MECOM: variants seen among roughly 807,000 people sequenced by gnomAD.
MECOM encodes the protein MDS1 and EVI1 complex locus.
In MECOM, 13 loss-of-function variants were observed where a neutral mutation model predicts 116.3. The observed-to-expected ratio is 0.11, with a 90% CI of 0.07 to 0.18. MECOM has a LOEUF of 0.18. MECOM is among the 10% of genes least tolerant of loss of function. The pLI, the probability that MECOM is intolerant of heterozygous loss-of-function variation, is 1.00. For missense variants in MECOM, 1,299 were observed against 1,509.0 expected (o/e 0.86, Z 2.31); for synonymous variants, 528 against 535.2 (o/e 0.99, Z 0.19).
intron 1 of MECOM, chr3:169,477,129 A>G (rs1310180299): frequency 2.1e-5 from 2 of 93,326 alleles, no homozygotes; most frequent in South Asian, 3.6e-4. Context: ...ATATATATAT[A>G]TATATATATA....
intron 10 of MECOM, among the ~76,000 whole-genome samples, chr3:169,104,396 A>G (rs1053581196): frequency 6.6e-6 from 1 of 152,200 alleles, no homozygotes; most frequent in African/African-American, 2.4e-5. Flanking sequence ...GCAGAAAATC[A>G]TTTTGATATT....
chr3:169,537,142 G>A lies in MECOM; in HGVS notation c.37+126194C>T, dbSNP rs569570865. On this transcript the variant is annotated intron_variant, in intron 1 of 16. Coordinates refer to ENST00000651503, the MANE Select transcript of MECOM (RefSeq NM_004991.4). ...TTTCTGGACACTTCAATACTAAAAT[G>A]TGAAAGAACTGTTCAAACTTTACCC... is the stretch of plus-strand genomic sequence containing the variant. Among the ~76,000 whole-genome samples the A allele has an allele frequency of 4.3e-4, 66 of 152,280 alleles. 1 individual carries two copies. Among genetic ancestry groups the A allele is most frequent in the Non-Finnish European group, 2.9e-4 (20 of 68,026 alleles).
At chr3:169,500,932 A>C (rs956357497) in intron 1 of MECOM, among the ~76,000 whole-genome samples, 64 of 152,032 alleles carry the variant, frequency 4.2e-4, no homozygotes, top group African/African-American at 1.4e-3. Flanking sequence ...AAAAGTTTTA[A>C]TAAAGAAAAG....
At chr3:169,343,232 T>C (rs541033834) in intron 2 of MECOM, among the ~76,000 whole-genome samples, 22 of 152,280 alleles carry the variant, frequency 1.4e-4, no homozygotes, top group Non-Finnish European at 2.4e-4. Context: ...GAGTCCTTTT[T>C]CTCATCTCTT....
chr3:169,103,417 C>T (rs1353509770), intron 10 of MECOM, among the ~76,000 whole-genome samples: 1 of 152,114 alleles, frequency 6.6e-6, no homozygotes, highest in African/African-American at 2.4e-5. Flanking sequence ...TCAGGCCATC[C>T]TGTTAAATCA....
At chr3:169,411,880 A>T (rs2108455225) in intron 1 of MECOM, among the ~76,000 whole-genome samples, 1 of 152,284 alleles carries the variant, frequency 6.6e-6, no homozygotes, top group Non-Finnish European at 1.5e-5. Flanking sequence ...GATCCCAGCT[A>T]CTCAGGAGGC....
chr3:169,618,189 G>A (rs1770259472), intron 1 of MECOM, among the ~76,000 whole-genome samples: 1 of 152,144 alleles, frequency 6.6e-6, no homozygotes, highest in Non-Finnish European at 1.5e-5. Context: ...TTTCCACATA[G>A]AAATAATAAG....
At chr3:169,425,064 A>G (rs1239003630) in intron 1 of MECOM, among the ~76,000 whole-genome samples, 1 of 150,942 alleles carries the variant, frequency 6.6e-6, no homozygotes, top group Non-Finnish European at 1.5e-5. Flanking sequence ...TCGAGGGAAA[A>G]GAGGAAAATT....
At chr3:169,269,741 T>C (rs1019333100) in intron 2 of MECOM, among the ~76,000 whole-genome samples, 4 of 152,226 alleles carry the variant, frequency 2.6e-5, no homozygotes, top group Non-Finnish European at 5.9e-5. Flanking sequence ...CCCAAGTATG[T>C]CTTCAGCAGG....
Position 169,116,269 on chromosome 3 carries a change from G to A in MECOM, c.1603C>T (p.Leu535=), listed in dbSNP as rs760126106. 6.2e-7 allele frequency: 1 copy of A among 1,614,196 alleles called. No individual in the cohort carries two copies. The highest frequency in any genetic ancestry group is 1.7e-5 in the Admixed American group (1 of 60,024). ...QSPLMTHPQI[L]PATQDILKAL... Reference sequence around the variant, plus strand: ...TTCAAAATATCCTGTGTAGCTGGCAGTATCTGAGGATGTGTCATGAGGGGA... The same window carrying A: ...TTCAAAATATCCTGTGTAGCTGGCAATATCTGAGGATGTGTCATGAGGGGA... The change falls in exon 8 of 17, where the codon CTG becomes TTG. Residue 535 remains leucine (L), a synonymous_variant. Coordinates refer to ENST00000651503, the MANE Select transcript of MECOM (RefSeq NM_004991.4).
chr3:169,599,530 A>G (rs1042653861), intron 1 of MECOM, among the ~76,000 whole-genome samples: 4 of 146,314 alleles, frequency 2.7e-5, no homozygotes, highest in African/African-American at 1.0e-4. Flanking sequence ...AAAAAAAAAA[A>G]GTGTAAACCT....
In MECOM at chr3:169,441,912, TTGTTA is replaced by T. The variant is rs1375250648; in HGVS notation, c.38-60393_38-60389del. ...CGCCTGGCTAATGTTTTGTTTTGTT[TTGTTA>T]TGTTTTGTTTTGTTTTGTTTTGTTT... On this transcript the variant is annotated intron_variant, in intron 1 of 16. Transcript: ENST00000651503. Among the ~76,000 whole-genome samples the T allele has an allele frequency of 2.4e-3, 342 of 142,084 alleles. 2 individuals carry two copies. Among genetic ancestry groups the T allele is most frequent in the African/African-American group, 8.6e-3 (327 of 37,988 alleles). The allele number at this position is 142,084 out of a possible 152,430, so 93.2% of individuals were successfully genotyped here.
chr3:169,620,345 CAA>C (rs1387462684), intron 1 of MECOM, among the ~76,000 whole-genome samples: 1 of 152,214 alleles, frequency 6.6e-6, no homozygotes, highest in Non-Finnish European at 1.5e-5. Context: ...TCCACCATTT[CAA>C]ACAGTTCTCA....
At chr3:169,187,157 GA>G (rs1746892305) in intron 2 of MECOM, among the ~76,000 whole-genome samples, 1 of 152,112 alleles carries the variant, frequency 6.6e-6, no homozygotes, top group African/African-American at 2.4e-5. Context: ...CTACTACCTG[GA>G]AAATCATGGT....
rs540158912 is a variant in MECOM, at chr3:169,093,090, G to A, written c.3032C>T (p.Ser1011Leu). 5.6e-6 allele frequency: 9 copies of A among 1,610,866 alleles called. No individual in the cohort carries two copies. In the South Asian group the frequency reaches 7.7e-5, roughly 14 times the overall value. Residue 1011 changes from serine to leucine, a missense_variant, in exon 14 of 17, where the codon TCG becomes TTG. Coordinates refer to ENST00000651503, the MANE Select transcript of MECOM (RefSeq NM_004991.4). Reference sequence around the variant, plus strand: ...ACTTTCCAGTTCAGAATGAGGCGACGATGTTGCTGTACCTGTGTGGAGCAG... The same window carrying A: ...ACTTTCCAGTTCAGAATGAGGCGACAATGTTGCTGTACCTGTGTGGAGCAG... The part of the protein sequence containing the change: ...ENGNMSGTAT[S>L]SPHSELESTG...
chr3:169,252,784 A>G (rs1756409291), intron 2 of MECOM, among the ~76,000 whole-genome samples: 1 of 152,202 alleles, frequency 6.6e-6, no homozygotes, highest in Admixed American at 6.5e-5. Context: ...GCAAAGCCCC[A>G]TCAAAAGGCT....
At chr3:169,096,108 C>T (rs969253920) in intron 12 of MECOM, among the ~76,000 whole-genome samples, 11 of 152,002 alleles carry the variant, frequency 7.2e-5, no homozygotes, top group Admixed American at 3.9e-4. Context: ...GCAAGGCCTC[C>T]TTCCCCTAGC....
At chr3:169,628,284 T>C (rs906043262) in intron 1 of MECOM, among the ~76,000 whole-genome samples, 1 of 152,218 alleles carries the variant, frequency 6.6e-6, no homozygotes, top group South Asian at 2.1e-4. Flanking sequence ...TTTTTAAAAA[T>C]ATTTTTAGAA....
chr3:169,405,584 T>C (rs373583727), intron 1 of MECOM, among the ~76,000 whole-genome samples: 1 of 152,212 alleles, frequency 6.6e-6, no homozygotes, highest in Non-Finnish European at 1.5e-5. Context: ...ACAGAGTTAA[T>C]AGTACCATAC....
Sources: allele counts gnomAD v4.1 joint callset (sites outside exome capture counted in the v4.1 genomes callset), GRCh38; gene constraint gnomAD v4.1.1; transcripts MANE v1.5; gene names NCBI Gene and HGNC (gene_info 2026-07-23, HGNC 2026-07-21).